Variants in ABLIM1 observed in about 807,000 individuals in gnomAD.
The protein encoded by ABLIM1 is actin-binding LIM protein 1.
In ABLIM1, 40 loss-of-function variants were observed where a neutral mutation model predicts 107.0. That is an observed-to-expected ratio of 0.37 (90% CI 0.29 to 0.49). ABLIM1 has a LOEUF of 0.49. Ranked by LOEUF, ABLIM1 falls within the 20% of genes least tolerant of loss-of-function variation. The probability of loss-of-function intolerance (pLI) is 0.97; values close to 1 mark genes in which losing one functional copy is unlikely to be tolerated. For missense variants in ABLIM1, 857 were observed against 1,008.5 expected (o/e 0.85, Z 2.04); for synonymous variants, 357 against 357.3 (o/e 1.00, Z 0.01).
intron 1 of ABLIM1, among the ~76,000 whole-genome samples, chr10:114,654,121 G>T (rs1053715657): frequency 2.0e-5 from 3 of 152,206 alleles, no homozygotes; most frequent in Non-Finnish European, 2.9e-5. Flanking sequence ...ACAGGAACAT[G>T]CATGGCTGCA....
At chr10:114,600,952 TAATGGA>T (rs1440886323) in intron 2 of ABLIM1, among the ~76,000 whole-genome samples, 1 of 152,092 alleles carries the variant, frequency 6.6e-6, no homozygotes, top group African/African-American at 2.4e-5. Context: ...GTAGGCTTGT[TAATGGA>T]AATCAACACC....
rs1490193273 is a variant in ABLIM1 at position 114,465,787 on chromosome 10, G to A, written c.1352C>T (p.Thr451Met). 2.7e-5 allele frequency: 43 copies of A among 1,614,006 alleles called. No individual in the cohort carries two copies. The highest frequency in any genetic ancestry group is 3.5e-5 in the Non-Finnish European group (41 of 1,180,026). Residue 451 changes from threonine (T) to methionine (M), a missense_variant, in exon 12 of 23, where the codon ACG becomes ATG. Around this residue, in one of 5 missense-constraint regions of ABLIM1, gnomAD observed 381 missense variants for 506.9 expected, o/e 0.75. Transcript: ENST00000533213. ...AGGGGAGTTGATGGAGCCCTGGCTC[G>A]TGGACCGATGGATCATCCGATCCCG... The part of the protein sequence containing the change: ...DVRDRMIHRS[T>M]SQGSINSPVY...
intron 2 of ABLIM1, among the ~76,000 whole-genome samples, chr10:114,600,931 A>T (rs772776566): frequency 1.3e-5 from 2 of 152,150 alleles, no homozygotes; most frequent in Non-Finnish European, 2.9e-5. Context: ...AATCTTTGTA[A>T]ACCCCAAAAG....
chr10:114,774,423 G>A, the ABLIM1 span, among the ~76,000 whole-genome samples: 1 of 152,130 alleles, frequency 6.6e-6, no homozygotes, highest in Non-Finnish European at 1.5e-5. Flanking sequence ...GCATGGTCCC[G>A]AGAGGCCATG....
intron 5 of ABLIM1, 119 bp downstream of exon 5, chr10:114,547,531 G>A (rs1401544265): frequency 7.5e-7 from 1 of 1,329,712 alleles, no homozygotes; most frequent in Non-Finnish European, 1.0e-6. Context: ...CATTATGATG[G>A]CAGGATGTGA....
At chr10:114,485,289 A>G (rs745903819) in intron 8 of ABLIM1, 10 of 1,604,326 alleles carry the variant, frequency 6.2e-6, no homozygotes, top group Middle Eastern at 1.7e-4. Context: ...CCTAGACACA[A>G]TGCCAACCTG....
At chr10:114,623,346 A>G (rs1591635331) in intron 1 of ABLIM1, among the ~76,000 whole-genome samples, 1 of 152,192 alleles carries the variant, frequency 6.6e-6, no homozygotes, top group Non-Finnish European at 1.5e-5. Context: ...CTTTGCTCCC[A>G]GTATCATATA....
At chr10:114,450,431 CTT>C (rs1388877039) in intron 14 of ABLIM1, among the ~76,000 whole-genome samples, 1 of 136,390 alleles carries the variant, frequency 7.3e-6, no homozygotes, top group African/African-American at 2.9e-5. Context: ...TTCTTTCTTT[CTT>C]TCTTTTTTTT....
chr10:114,611,182 C>T (rs1228837777), intron 1 of ABLIM1, among the ~76,000 whole-genome samples: 3 of 151,642 alleles, frequency 2.0e-5, no homozygotes, highest in Non-Finnish European at 2.9e-5. Flanking sequence ...TACCCTGATA[C>T]TTGGCTGGGC....
intron 1 of ABLIM1, among the ~76,000 whole-genome samples, chr10:114,746,584 T>A (rs2082390728): frequency 6.6e-6 from 1 of 152,196 alleles, no homozygotes; most frequent in Non-Finnish European, 1.5e-5. Context: ...CGATTTCAAA[T>A]CTTTTTGGTT....
intron 1 of ABLIM1, among the ~76,000 whole-genome samples, chr10:114,747,890 A>T (rs999810128): frequency 1.3e-5 from 2 of 152,086 alleles, no homozygotes; most frequent in African/African-American, 2.4e-5. Flanking sequence ...AAATACAAAA[A>T]TTAGCTGGGC....
At chr10:114,748,027 G>A (rs759405807) in intron 1 of ABLIM1, among the ~76,000 whole-genome samples, 4 of 152,066 alleles carry the variant, frequency 2.6e-5, no homozygotes, top group Non-Finnish European at 2.9e-5. Flanking sequence ...GTGATAGAGC[G>A]ATACTTCATC....
intron 1 of ABLIM1, among the ~76,000 whole-genome samples, chr10:114,683,626 T>C (rs1466519561): frequency 6.6e-6 from 1 of 152,126 alleles, no homozygotes; most frequent in African/African-American, 2.4e-5. Context: ...GTATCTGGAA[T>C]TACCCACGAG....
chr10:114,500,141 C>T (rs2060199839), intron 6 of ABLIM1, among the ~76,000 whole-genome samples: 1 of 152,220 alleles, frequency 6.6e-6, no homozygotes, highest in Admixed American at 6.5e-5. Context: ...GCCCTACAGC[C>T]TTACTAACTG....
At chr10:114,577,884 G>A (rs188206778) in intron 2 of ABLIM1, among the ~76,000 whole-genome samples, 2 of 152,242 alleles carry the variant, frequency 1.3e-5, no homozygotes, top group East Asian at 1.9e-4. Context: ...GAGAAGGGGG[G>A]CCTATGATGC....
intron 1 of ABLIM1, among the ~76,000 whole-genome samples, chr10:114,747,597 G>C (rs2082411179): frequency 6.6e-6 from 1 of 152,200 alleles, no homozygotes; most frequent in Admixed American, 6.5e-5. Context: ...GGATTTGATA[G>C]TTATACACAG....
rs1565932452 is a variant in ABLIM1 at position 114,559,463 on chromosome 10, GAA to G, written c.674-11689_674-11688del. 5.2e-5 allele frequency among the ~76,000 whole-genome samples: 2 copies of G among 38,168 alleles called. 1 individual carries two copies. Among genetic ancestry groups the G allele is most frequent in the African/African-American group, 4.8e-4 (2 of 4,150 alleles). 25.0% of individuals were successfully genotyped at this position (38,168 alleles called of 152,430 possible). On this transcript the variant is annotated intron_variant, in intron 4 of 22. Coordinates refer to ENST00000533213, the MANE Select transcript of ABLIM1 (RefSeq NM_002313.7). ...CAAAAAAAAAAAAAAAAAAAAAAAA[GAA>G]AGAAAGAAAAAAAGAAAAAAGAAAA...
chr10:114,718,148 GA>G (rs1339421877), intron 1 of ABLIM1, among the ~76,000 whole-genome samples: 12 of 146,454 alleles, frequency 8.2e-5, no homozygotes, highest in Admixed American at 2.7e-4. Flanking sequence ...GAAAGAAAGA[GA>G]AAAAAAGAAA....
chr10:114,487,920 C>T (rs759445032), intron 8 of ABLIM1, 38 bp downstream of exon 8: 10 of 1,610,884 alleles, frequency 6.2e-6, no homozygotes, highest in Non-Finnish European at 8.5e-6. Flanking sequence ...GTATGGCCTA[C>T]AAATGCAGCT....
Sources: gnomAD v4.1 joint callset for allele counts (sites outside exome capture counted in the v4.1 genomes callset) on GRCh38, gnomAD v4.1.1 for gene constraint, gnomAD v4.1.1 regional missense constraint, MANE v1.5 for transcripts, NCBI Gene and HGNC (gene_info 2026-07-23, HGNC 2026-07-21) for gene names.